Variants in CNBD1 observed in about 807,000 individuals in gnomAD.
The protein encoded by CNBD1 is cyclic nucleotide binding domain containing 1, also known as cyclic nucleotide-binding domain-containing protein 1.
Under a neutral mutation model 54.4 loss-of-function variants are expected in CNBD1, and 71 were observed. The observed-to-expected ratio is 1.30, with a 90% CI of 1.08 to 1.59. The LOEUF is 1.59. Ranked by LOEUF, CNBD1 falls within the 40% of genes most tolerant of loss-of-function variation. The pLI is 0.00. For missense variants in CNBD1, 659 were observed against 518.0 expected, an observed-to-expected ratio of 1.27 and a Z score of -2.64; for synonymous variants, 182 against 170.7, an observed-to-expected ratio of 1.07 and a Z score of -0.51.
chr8:87,265,405 C>CT (rs1586375683), intron 6 of CNBD1, among the ~76,000 whole-genome samples: 1 of 152,050 alleles, frequency 6.6e-6, no homozygotes, highest in African/African-American at 2.4e-5. Flanking sequence ...TTACTGTAGC[C>CT]TTGTAGTGTA....
intron 10 of CNBD1, among the ~76,000 whole-genome samples, chr8:87,370,519 T>C (rs988219960): frequency 1.1e-4 from 17 of 152,186 alleles, no homozygotes; most frequent in Non-Finnish European, 2.5e-4. Context: ...GCTGCATAAA[T>C]GTTTTCTTTT....
intron 2 of CNBD1, among the ~76,000 whole-genome samples, chr8:86,891,195 T>G (rs2131792660): frequency 6.6e-6 from 1 of 152,260 alleles, no homozygotes; most frequent in East Asian, 1.9e-4. Flanking sequence ...TTCCCCTATG[T>G]TTTATCCTAG....
intron 10 of CNBD1, among the ~76,000 whole-genome samples, chr8:87,355,297 G>C (rs1053521841): frequency 2.0e-5 from 3 of 152,060 alleles, no homozygotes; most frequent in Non-Finnish European, 1.5e-5. Context: ...ACCATTAATA[G>C]CAATGTTCCC....
At chr8:87,144,443 A>G (rs1302262932) in intron 4 of CNBD1, among the ~76,000 whole-genome samples, 1 of 152,230 alleles carries the variant, frequency 6.6e-6, no homozygotes, top group East Asian at 1.9e-4. Context: ...AATTACTTTG[A>G]AACATATAAA....
intron 4 of CNBD1, among the ~76,000 whole-genome samples, chr8:87,081,566 C>T (rs1216852513): frequency 1.3e-5 from 2 of 148,208 alleles, no homozygotes; most frequent in Non-Finnish European, 3.0e-5. Context: ...AGTGCAGTGG[C>T]GCGACCTCGG....
chr8:87,270,122 T>C (rs1159915400), intron 6 of CNBD1, among the ~76,000 whole-genome samples: 1 of 151,962 alleles, frequency 6.6e-6, no homozygotes, highest in Non-Finnish European at 1.5e-5. Context: ...AATCAATAAA[T>C]GTGATTTGCC....
chr8:87,205,974 A>ATTTT lies in CNBD1; in HGVS notation c.432-7_432-4dup. The ATTTT allele has an allele frequency of 1.1e-5, 14 of 1,281,166 alleles. No individual in the cohort carries two copies. Among genetic ancestry groups the ATTTT allele is most frequent in the South Asian group, 1.1e-4 (6 of 55,644 alleles). 79.4% of individuals were successfully genotyped at this position (1,281,166 alleles called of 1,614,324 possible). A position where few individuals can be genotyped will look rare whatever the true frequency, so the allele number is the denominator to read the frequency against. On this transcript the variant is annotated intron_variant, in intron 4 of 10. Transcript: ENST00000518476. The stretch of plus-strand genomic sequence containing the variant: ...TTTATGCCATGGTCTCTGAATTTGT[A>ATTTT]TTTTTTTTTTTTTTTGAGGCCCATT...
chr8:86,939,895 T>C, intron 4 of CNBD1, 141 bp downstream of exon 4: 1 of 506,174 alleles, frequency 2.0e-6, no homozygotes, highest in Non-Finnish European at 3.5e-6. Flanking sequence ...ATGGACACAC[T>C]GGAGACTTTG....
intron 6 of CNBD1, among the ~76,000 whole-genome samples, chr8:87,270,133 A>T (rs1185665183): frequency 6.6e-6 from 1 of 151,968 alleles, no homozygotes; most frequent in East Asian, 1.9e-4. Context: ...GTGATTTGCC[A>T]CATAAATAGA....
chr8:87,241,056 G>A (rs778512184), intron 6 of CNBD1, among the ~76,000 whole-genome samples: 6 of 152,016 alleles, frequency 3.9e-5, no homozygotes, highest in Non-Finnish European at 5.9e-5. Flanking sequence ...AGGTCACTGG[G>A]AGTGGAGGAA....
rs551637358 is a variant in CNBD1 at position 87,362,498 on chromosome 8, T to G, written c.1303+8712T>G. ...AAAAGTTTGTTGGGCACCTATAGCC[T>G]TTGCAGTAAACTTAGCTATTACTAT... On this transcript the variant is annotated intron_variant, in intron 10 of 10. Coordinates refer to ENST00000518476, the MANE Select transcript of CNBD1 (RefSeq NM_173538.3). Among the ~76,000 whole-genome samples, 5 of 152,232 alleles carry G rather than the reference T, an allele frequency of 3.3e-5. No individual in the cohort carries two copies. The East Asian group carries it at 9.7e-4, about 29-fold the overall frequency.
intron 2 of CNBD1, among the ~76,000 whole-genome samples, chr8:86,896,400 T>C (rs73268029): frequency 0.019 from 2,940 of 152,240 alleles, 99 homozygotes; most frequent in African/African-American, 0.065. Context: ...ATGAACATTC[T>C]AACAATATTA....
intron 6 of CNBD1, among the ~76,000 whole-genome samples, chr8:87,282,263 G>A (rs1026361526): frequency 6.6e-6 from 1 of 151,408 alleles, no homozygotes; most frequent in African/African-American, 2.4e-5. Context: ...GTGTTTGAAA[G>A]CAATTTAAAT....
chr8:87,283,384 G>A (rs1284116045), intron 6 of CNBD1, among the ~76,000 whole-genome samples: 1 of 151,726 alleles, frequency 6.6e-6, no homozygotes, highest in African/African-American at 2.4e-5. Context: ...TCATTTGTGT[G>A]GCTTGTAATT....
At chr8:86,950,287 C>G (rs1032914454) in intron 4 of CNBD1, among the ~76,000 whole-genome samples, 1 of 151,968 alleles carries the variant, frequency 6.6e-6, no homozygotes, top group Non-Finnish European at 1.5e-5. Context: ...CCAGGCTGGT[C>G]TTGAACTCCT....
At chr8:87,378,901 A>G (rs1223832670) in intron 10 of CNBD1, among the ~76,000 whole-genome samples, 1 of 149,068 alleles carries the variant, frequency 6.7e-6, no homozygotes, top group East Asian at 1.9e-4. Flanking sequence ...TAGGTATTTT[A>G]TTCTCTTTGA....
At chr8:87,156,367 T>A (rs960899852) in intron 4 of CNBD1, among the ~76,000 whole-genome samples, 9 of 149,666 alleles carry the variant, frequency 6.0e-5, no homozygotes, top group African/African-American at 2.2e-4. Context: ...GCCTCAGCCT[T>A]CCATGTAGCT....
intron 2 of CNBD1, among the ~76,000 whole-genome samples, chr8:87,408,027 T>C (rs1013550942): frequency 2.0e-5 from 3 of 152,044 alleles, no homozygotes; most frequent in African/African-American, 4.8e-5. Context: ...TTTTTTGTCC[T>C]TTTAGAAATT....
intron 5 of CNBD1, among the ~76,000 whole-genome samples, chr8:87,212,372 A>G (rs1020476124): frequency 2.0e-5 from 3 of 152,156 alleles, no homozygotes; most frequent in Non-Finnish European, 2.9e-5. Context: ...CCTAAAATTC[A>G]TATAGAAATT....
Sources: allele counts gnomAD v4.1 joint callset (sites outside exome capture counted in the v4.1 genomes callset), GRCh38; gene constraint gnomAD v4.1.1; transcripts MANE v1.5; gene names NCBI Gene and HGNC (gene_info 2026-07-23, HGNC 2026-07-21).